Variants in MAF observed in about 807,000 individuals in gnomAD.
MAF encodes transcription factor Maf.
In MAF, 10 loss-of-function variants were observed where a neutral mutation model predicts 22.0. The ratio of observed to expected loss-of-function variants is 0.45; its 90% CI spans 0.28 to 0.77. The LOEUF (loss-of-function observed/expected upper bound fraction) is 0.77, where lower values mean the gene tolerates loss of function less well. Among genes scored for constraint, MAF ranks in the 30% least tolerant of loss-of-function variants. MAF has a pLI of 0.12. For synonymous variants in MAF, 337 were observed against 255.8 expected (o/e 1.32, Z -3.03); for missense variants, 544 against 548.4 (o/e 0.99, Z 0.08).
the MAF span, among the ~76,000 whole-genome samples, chr16:79,530,919 T>C: frequency 1.3e-5 from 2 of 152,188 alleles, no homozygotes; most frequent in East Asian, 1.9e-4. Context: ...AGCCAGATCC[T>C]GTGTCTTTTA....
the MAF span, chr16:79,203,518 G>A: frequency 1.4e-5 from 2 of 142,540 alleles, no homozygotes; most frequent in Non-Finnish European, 3.0e-5. Context: ...TTTTTCTTCA[G>A]TGCTTTTTCA....
At chr16:79,575,966 G>A in the MAF span, among the ~76,000 whole-genome samples, 43 of 152,002 alleles carry the variant, frequency 2.8e-4, no homozygotes, top group African/African-American at 9.2e-4. Context: ...CTAAACCGGG[G>A]TCCTGAAATC....
At chr16:79,326,067 C>A in the MAF span, among the ~76,000 whole-genome samples, 4 of 152,188 alleles carry the variant, frequency 2.6e-5, no homozygotes, top group Non-Finnish European at 2.9e-5. Context: ...CCTTTGGCAA[C>A]CACTTTACCA....
At chr16:79,487,578 A>T in the MAF span, among the ~76,000 whole-genome samples, 1 of 152,174 alleles carries the variant, frequency 6.6e-6, no homozygotes, top group East Asian at 1.9e-4. Flanking sequence ...AGGAAGAAAA[A>T]GCCCCGTTGT....
chr16:79,552,922 T>C, the MAF span, among the ~76,000 whole-genome samples: 2 of 152,216 alleles, frequency 1.3e-5, no homozygotes, highest in Admixed American at 1.3e-4. Context: ...CCACATCAGT[T>C]CAACTTGGCG....
the MAF span, among the ~76,000 whole-genome samples, chr16:79,311,926 G>A: frequency 6.6e-6 from 1 of 152,140 alleles, no homozygotes; most frequent in African/African-American, 2.4e-5. Flanking sequence ...ACTAGCCCAT[G>A]GTAGTGAGGC....
At chr16:79,398,994 C>T in the MAF span, among the ~76,000 whole-genome samples, 408 of 152,220 alleles carry the variant, frequency 2.7e-3, no homozygotes, top group Admixed American at 3.5e-3. Flanking sequence ...TCCAAAGGGC[C>T]GGGAGAGATT....
At chr16:79,532,632 G>A in the MAF span, among the ~76,000 whole-genome samples, 1 of 152,184 alleles carries the variant, frequency 6.6e-6, no homozygotes, top group East Asian at 1.9e-4. Context: ...AATTCATTAG[G>A]AGAAATGGGG....
the MAF span, among the ~76,000 whole-genome samples, chr16:79,209,269 T>C: frequency 6.6e-6 from 1 of 152,198 alleles, no homozygotes; most frequent in Admixed American, 6.5e-5. Context: ...CCTGCAACAA[T>C]GGCATTCTGA....
chr16:79,349,281 G>C, the MAF span, among the ~76,000 whole-genome samples: 7 of 152,290 alleles, frequency 4.6e-5, no homozygotes, highest in East Asian at 1.2e-3. Flanking sequence ...CCCAGGTCAG[G>C]CTCCTAAGAG....
the MAF span, among the ~76,000 whole-genome samples, chr16:79,266,430 G>T: frequency 6.6e-6 from 1 of 152,066 alleles, no homozygotes; most frequent in Non-Finnish European, 1.5e-5. Context: ...CAAAGGGGTA[G>T]GTCCCAAAAG....
chr16:79,239,541 C>T, the MAF span, among the ~76,000 whole-genome samples: 4 of 152,162 alleles, frequency 2.6e-5, no homozygotes, highest in Admixed American at 6.5e-5. Flanking sequence ...TCCAGACTTT[C>T]CACAGATGGC....
chr16:79,364,973 G>A, the MAF span, among the ~76,000 whole-genome samples: 10 of 152,346 alleles, frequency 6.6e-5, no homozygotes, highest in Admixed American at 6.5e-5. Context: ...CACTGAAGGA[G>A]TGGGAAGGGA....
chr16:79,315,148 G>A, the MAF span, among the ~76,000 whole-genome samples: 8 of 151,906 alleles, frequency 5.3e-5, no homozygotes, highest in African/African-American at 1.7e-4. Flanking sequence ...TGCCAGGCAC[G>A]GTTCTAGGAT....
chr16:79,285,966 T>C, the MAF span, among the ~76,000 whole-genome samples: 6 of 152,298 alleles, frequency 3.9e-5, no homozygotes, highest in South Asian at 1.2e-3. Flanking sequence ...CTCAGTACAG[T>C]TTGGGTTCTA....
chr16:79,470,697 C>G, the MAF span, among the ~76,000 whole-genome samples: 1 of 152,156 alleles, frequency 6.6e-6, no homozygotes, highest in Non-Finnish European at 1.5e-5. Context: ...GCTTCATGTA[C>G]TACAGGAAAG....
the MAF span, among the ~76,000 whole-genome samples, chr16:79,502,702 AATATAAATATATATAT>A: frequency 0.016 from 1,393 of 86,458 alleles, 88 homozygotes; most frequent in Non-Finnish European, 0.02. Context: ...TATAAATATA[AATATAAATATATATAT>A]ATATATATAT....
the MAF span, among the ~76,000 whole-genome samples, chr16:79,307,624 C>G: frequency 6.6e-6 from 1 of 152,290 alleles, no homozygotes; most frequent in East Asian, 1.9e-4. Context: ...ACAATACTGT[C>G]TGGCAAATGT....
the MAF span, among the ~76,000 whole-genome samples, chr16:79,275,943 C>T: frequency 3.9e-5 from 6 of 152,074 alleles, no homozygotes; most frequent in East Asian, 5.8e-4. Flanking sequence ...AGATCGAGAC[C>T]GTCCTGGCTA....
Sources: allele counts gnomAD v4.1 joint callset (sites outside exome capture counted in the v4.1 genomes callset), GRCh38; gene constraint gnomAD v4.1.1; transcripts MANE v1.5; gene names NCBI Gene and HGNC (gene_info 2026-07-23, HGNC 2026-07-21).